CNTN3: variants seen among roughly 807,000 people sequenced by gnomAD.
CNTN3 encodes the protein contactin-3.
Under a neutral mutation model 119.1 loss-of-function variants are expected in CNTN3, and 60 were observed. The observed-to-expected ratio is 0.50, with a 90% CI of 0.41 to 0.62. The LOEUF is 0.62. CNTN3 is among the 20% of genes least tolerant of loss of function. The pLI is 0.00. For missense variants in CNTN3, 1,101 were observed against 1,242.4 expected, an observed-to-expected ratio of 0.89 and a Z score of 1.71; for synonymous variants, 450 against 438.7, an observed-to-expected ratio of 1.03 and a Z score of -0.32.
chr3:74,455,089 TCCTGCA>T lies in CNTN3; in HGVS notation c.359-30155_359-30150del, dbSNP rs1702242298. 2.6e-5 allele frequency among the ~76,000 whole-genome samples: 4 copies of T among 152,130 alleles called. 1 individual carries two copies. Among genetic ancestry groups the T allele is most frequent in the Admixed American group, 1.3e-4 (2 of 15,272 alleles). On this transcript the variant is annotated intron_variant, in intron 4 of 22. Coordinates refer to ENST00000263665, the MANE Select transcript of CNTN3 (RefSeq NM_020872.3). ...ATTGGGGAAGTTCTCCTGGATAATA[TCCTGCA>T]GAGTGTTTTCCAACTTGGTTCCATT...
At chr3:74,415,598 T>A (rs999886522) in intron 5 of CNTN3, among the ~76,000 whole-genome samples, 1 of 152,160 alleles carries the variant, frequency 6.6e-6, no homozygotes, top group Non-Finnish European at 1.5e-5. Flanking sequence ...AGTTTGTTTG[T>A]CAGAAACAAA....
chr3:74,367,879 A>T (rs993348078), intron 8 of CNTN3, among the ~76,000 whole-genome samples: 2 of 152,068 alleles, frequency 1.3e-5, no homozygotes, highest in Non-Finnish European at 2.9e-5. Flanking sequence ...TTCTTATCCT[A>T]GATCAAGTAG....
At chr3:74,362,732 T>C (rs1340967274) in intron 10 of CNTN3, among the ~76,000 whole-genome samples, 3 of 152,174 alleles carry the variant, frequency 2.0e-5, no homozygotes, top group Admixed American at 6.6e-5. Context: ...AAAATCACTC[T>C]TCCTTTTGCT....
chr3:74,264,086 C>A lies in CNTN3; in HGVS notation c.*315G>T, dbSNP rs942686269. ...TTCAATGTAAAAAGAAATTCTCATGCGTGTGTGTGTACATGTGAGAGTGTG... is the reference window on the plus strand; with the variant it reads ...TTCAATGTAAAAAGAAATTCTCATGAGTGTGTGTGTACATGTGAGAGTGTG... On this transcript the variant is annotated 3_prime_UTR_variant, in exon 23 of 23. Transcript: ENST00000263665. 4 of 188,456 alleles carry A rather than the reference C, an allele frequency of 2.1e-5. No homozygotes were observed. Among genetic ancestry groups the A allele is most frequent in the Non-Finnish European group, 4.3e-5 (4 of 92,554 alleles). The allele number at this position is 188,456 out of a possible 1,614,324, so 11.7% of individuals were successfully genotyped here. A position where few individuals can be genotyped will look rare whatever the true frequency, so the allele number is the denominator to read the frequency against.
At chr3:74,544,465 C>T (rs1703885504) in intron 1 of CNTN3, among the ~76,000 whole-genome samples, 1 of 152,108 alleles carries the variant, frequency 6.6e-6, no homozygotes, top group South Asian at 2.1e-4. Flanking sequence ...TATCCAGAGT[C>T]CCTTGGGGCA....
At chr3:74,329,561 C>A (rs1703211784) in intron 13 of CNTN3, among the ~76,000 whole-genome samples, 1 of 152,084 alleles carries the variant, frequency 6.6e-6, no homozygotes, top group African/African-American at 2.4e-5. Context: ...CATGTAAGTC[C>A]AAAAGTTAGC....
At chr3:74,566,076 T>A (rs1704221350) in intron 1 of CNTN3, among the ~76,000 whole-genome samples, 1 of 152,200 alleles carries the variant, frequency 6.6e-6, no homozygotes, top group Non-Finnish European at 1.5e-5. Flanking sequence ...CATGTGGAAC[T>A]ATGAGTCAAT....
intron 2 of CNTN3, among the ~76,000 whole-genome samples, chr3:74,512,528 A>G (rs975891757): frequency 5.3e-5 from 8 of 152,176 alleles, no homozygotes; most frequent in Non-Finnish European, 1.0e-4. Flanking sequence ...CACCAAAGCA[A>G]TATCAATGGG....
intron 4 of CNTN3, among the ~76,000 whole-genome samples, chr3:74,450,158 T>TAACAC (rs1702121830): frequency 6.6e-6 from 1 of 152,136 alleles, no homozygotes; most frequent in Non-Finnish European, 1.5e-5. Context: ...TATATTTCTT[T>TAACAC]AGTAGGAAAG....
intron 4 of CNTN3, among the ~76,000 whole-genome samples, chr3:74,466,988 T>G (rs1206510864): frequency 6.6e-6 from 1 of 152,134 alleles, no homozygotes; most frequent in Non-Finnish European, 1.5e-5. Flanking sequence ...CTCTACCAAA[T>G]TAAATAACCA....
chr3:74,321,268 C>T (rs1028397006), intron 13 of CNTN3, among the ~76,000 whole-genome samples: 1 of 151,634 alleles, frequency 6.6e-6, no homozygotes, highest in Non-Finnish European at 1.5e-5. Context: ...GCCCACTGAT[C>T]CTAAAATAAT....
chr3:74,507,550 G>C (rs1285310244), intron 2 of CNTN3, among the ~76,000 whole-genome samples: 1 of 151,274 alleles, frequency 6.6e-6, no homozygotes, highest in East Asian at 1.9e-4. Flanking sequence ...AGCCAGCACT[G>C]TGTTTGTAAA....
chr3:74,311,365 C>T (rs1286250827), intron 13 of CNTN3, among the ~76,000 whole-genome samples: 1 of 151,930 alleles, frequency 6.6e-6, no homozygotes, highest in Admixed American at 6.6e-5. Flanking sequence ...GACTATTTTC[C>T]TGGTAAAGTG....
At chr3:74,372,621 A>C (rs574289281) in intron 5 of CNTN3, among the ~76,000 whole-genome samples, 1 of 152,310 alleles carries the variant, frequency 6.6e-6, no homozygotes, top group African/African-American at 2.4e-5. Flanking sequence ...AAAACATGGA[A>C]TCAAAATAAA....
chr3:74,442,332 T>C (rs1159248203), intron 4 of CNTN3, among the ~76,000 whole-genome samples: 2 of 152,148 alleles, frequency 1.3e-5, no homozygotes, highest in Admixed American at 1.3e-4. Flanking sequence ...ATGTCAGCTC[T>C]GCTTGCATTT....
intron 13 of CNTN3, among the ~76,000 whole-genome samples, chr3:74,313,509 C>T (rs2106646056): frequency 6.6e-6 from 1 of 152,160 alleles, no homozygotes; most frequent in South Asian, 2.1e-4. Context: ...GGTGTGGAAG[C>T]CATAGACTCT....
chr3:74,394,801 T>C (rs1258832739), intron 5 of CNTN3, among the ~76,000 whole-genome samples: 2 of 113,130 alleles, frequency 1.8e-5, no homozygotes, highest in Non-Finnish European at 3.6e-5. Flanking sequence ...TCATTATTAA[T>C]GACTTTTAAT....
chr3:74,541,199 T>C (rs1197462714), intron 1 of CNTN3, among the ~76,000 whole-genome samples: 3 of 152,156 alleles, frequency 2.0e-5, no homozygotes, highest in Non-Finnish European at 2.9e-5. Context: ...TGAAATGGCA[T>C]AGCAATTCCA....
chr3:74,561,329 G>T (rs1704150503), intron 1 of CNTN3, among the ~76,000 whole-genome samples: 1 of 151,960 alleles, frequency 6.6e-6, no homozygotes, highest in African/African-American at 2.4e-5. Context: ...CTGCTTAAAT[G>T]TCTTCAATGG....
Sources: gnomAD v4.1 joint callset for allele counts (sites outside exome capture counted in the v4.1 genomes callset) on GRCh38, gnomAD v4.1.1 for gene constraint, MANE v1.5 for transcripts, NCBI Gene and HGNC (gene_info 2026-07-23, HGNC 2026-07-21) for gene names.